The following ARFGEF2 variants were observed in gnomAD, a reference collection of about 807,000 sequenced individuals.
ARFGEF2 encodes brefeldin A-inhibited guanine nucleotide-exchange protein 2.
A neutral mutation model predicts 219.9 loss-of-function variants in ARFGEF2; 74 were observed. The ratio of observed to expected loss-of-function variants is 0.34; its 90% CI spans 0.28 to 0.41. The LOEUF (loss-of-function observed/expected upper bound fraction) is 0.41. Ranked by LOEUF, ARFGEF2 falls within the 10% of genes least tolerant of loss-of-function variation. The pLI, the probability that ARFGEF2 is intolerant of heterozygous loss-of-function variation, is 1.00. For missense variants in ARFGEF2, 1,743 were observed against 2,218.3 expected, an observed-to-expected ratio of 0.79 and a Z score of 4.30; for synonymous variants, 733 against 799.2, an observed-to-expected ratio of 0.92 and a Z score of 1.40.
intron 23 of ARFGEF2, among the ~76,000 whole-genome samples, chr20:48,997,537 T>G (rs2091399540): frequency 6.6e-6 from 1 of 152,208 alleles, no homozygotes; most frequent in Non-Finnish European, 1.5e-5. Context: ...CCTCTCAAAG[T>G]GCTGGGATTG....
chr20:48,922,721 A>AG (rs2090851118), intron 1 of ARFGEF2, among the ~76,000 whole-genome samples: 1 of 152,252 alleles, frequency 6.6e-6, no homozygotes. Flanking sequence ...TTATGGAAAG[A>AG]GGGAGAATTC....
chr20:48,941,737 T>C, intron 2 of ARFGEF2, 127 bp from the exon 3 acceptor site: 1 of 1,428,648 alleles, frequency 7.0e-7, no homozygotes, highest in Non-Finnish European at 9.8e-7. Flanking sequence ...TATTCAACTT[T>C]TAATGCCTAG....
rs2091652190 is a variant in ARFGEF2, at chr20:49,033,956, T to C, written c.*757T>C. On this transcript the variant is annotated 3_prime_UTR_variant, in exon 39 of 39. Transcript: ENST00000371917. The stretch of plus-strand genomic sequence containing the variant: ...AACAATTTAATGAAGATGATTAGCC[T>C]TCCTTGAAATAAGTATTTGTGGATG... The C allele has an allele frequency of 6.6e-6, 1 of 152,234 alleles. No individual in the cohort carries two copies. The highest frequency in any genetic ancestry group is 1.5e-5 in the Non-Finnish European group (1 of 68,038). 9.4% of individuals were successfully genotyped at this position (152,234 alleles called of 1,614,324 possible).
intron 27 of ARFGEF2, 98 bp from the exon 28 acceptor site, chr20:49,011,826 G>GATGT (rs887645589): frequency 3.5e-5 from 45 of 1,270,752 alleles, no homozygotes; most frequent in Non-Finnish European, 4.7e-5. Flanking sequence ...AATTATCTCT[G>GATGT]ATGTATGTGT....
rs2090840734 is a variant in ARFGEF2, at chr20:48,921,768, C to T, written c.-122C>T. On this transcript the variant is annotated 5_prime_UTR_variant, in exon 1 of 39. Coordinates refer to ENST00000371917, the MANE Select transcript of ARFGEF2 (RefSeq NM_006420.3). Reference sequence around the variant, plus strand: ...CGCCGTGGGGCCGAGGTGTCGCTTCCTGACGGGGCGGCGCGGACGGACGCG... The same window carrying T: ...CGCCGTGGGGCCGAGGTGTCGCTTCTTGACGGGGCGGCGCGGACGGACGCG... 3 of 1,076,558 alleles carry T rather than the reference C, an allele frequency of 2.8e-6. No homozygotes were observed. The highest frequency in any genetic ancestry group is 1.7e-5 in the African/African-American group (1 of 59,314). 66.7% of individuals were successfully genotyped at this position (1,076,558 alleles called of 1,614,324 possible).
chr20:48,931,720 C>T lies in ARFGEF2; in HGVS notation c.122-9479C>T, dbSNP rs531776000. Among the ~76,000 whole-genome samples, 17 of 152,042 alleles carry T rather than the reference C, an allele frequency of 1.1e-4. No homozygotes were observed. The East Asian group carries it at 2.7e-3, about 24-fold the overall frequency. On this transcript the variant is annotated intron_variant, in intron 1 of 38. Transcript: ENST00000371917. ...AGCAGGAATAGCTCATGCAAAGGCC[C>T]CGGGGCAGAAATGTGCTTGGTGTGT...
chr20:48,922,735 C>T (rs1396408426), intron 1 of ARFGEF2, among the ~76,000 whole-genome samples: 1 of 152,188 alleles, frequency 6.6e-6, no homozygotes, highest in African/African-American at 2.4e-5. Context: ...AGAATTCTAA[C>T]TAATAGTTAA....
At chr20:48,996,778 G>T (rs2091392396) in intron 23 of ARFGEF2, among the ~76,000 whole-genome samples, 1 of 146,200 alleles carries the variant, frequency 6.8e-6, no homozygotes, top group Admixed American at 6.8e-5. Flanking sequence ...ATGAATGAGA[G>T]TTGGCTGAGT....
chr20:49,027,569 G>A (rs781242278), intron 36 of ARFGEF2, among the ~76,000 whole-genome samples: 16 of 151,886 alleles, frequency 1.1e-4, no homozygotes, highest in African/African-American at 3.4e-4. Flanking sequence ...GGTGGCGTGC[G>A]CTTGTAGTCC....
chr20:48,966,026 A>G lies in ARFGEF2; in HGVS notation c.1059+3A>G. 1 of 1,614,010 alleles carries G rather than the reference A, an allele frequency of 6.2e-7. No homozygotes were observed. Among genetic ancestry groups the G allele is most frequent in the South Asian group, 1.1e-5 (1 of 91,082 alleles). On this transcript the variant is annotated splice_donor_region_variant and intron_variant, in intron 8 of 38. Transcript: ENST00000371917. Reference sequence around the variant, plus strand: ...CCTTGTCGTCAGCAGATAATCTGGTATGTTGGTGATCATCCTCTGTGGACT... The same window carrying G: ...CCTTGTCGTCAGCAGATAATCTGGTGTGTTGGTGATCATCCTCTGTGGACT...
chr20:48,981,785 C>A (rs1344785890), intron 14 of ARFGEF2, among the ~76,000 whole-genome samples: 1 of 152,210 alleles, frequency 6.6e-6, no homozygotes, highest in Non-Finnish European at 1.5e-5. Context: ...GCTATTGAAG[C>A]TTGTGCATGC....
chr20:48,991,025 G>C lies in ARFGEF2; in HGVS notation c.2815-15G>C. On this transcript the variant is annotated splice_polypyrimidine_tract_variant and intron_variant, in intron 20 of 38. Coordinates refer to ENST00000371917, the MANE Select transcript of ARFGEF2 (RefSeq NM_006420.3). ...GGTTGGAGTCACAGTGTTCTCTCTT[G>C]GGTTTCTGTTACAGCTGGAACGAGA... The C allele has an allele frequency of 6.2e-7, 1 of 1,612,698 alleles. No homozygotes were observed. The highest frequency in any genetic ancestry group is 1.1e-5 in the South Asian group (1 of 90,912).
At chr20:48,990,931 A>G (rs1016145849) in intron 20 of ARFGEF2, 109 bp from the exon 21 acceptor site, 22 of 1,210,818 alleles carry the variant, frequency 1.8e-5, no homozygotes, top group African/African-American at 9.1e-5. Context: ...AAGCCAGTCA[A>G]TGTGCATACA....
intron 6 of ARFGEF2, among the ~76,000 whole-genome samples, chr20:48,961,862 A>C (rs566151550): frequency 1.8e-5 from 2 of 110,638 alleles, no homozygotes; most frequent in Non-Finnish European, 4.2e-5. Context: ...AGACTCTCTC[A>C]AAAAAAAAAA....
intron 6 of ARFGEF2, among the ~76,000 whole-genome samples, chr20:48,954,350 T>C (rs1249311913): frequency 6.6e-6 from 1 of 152,240 alleles, no homozygotes; most frequent in Non-Finnish European, 1.5e-5. Context: ...ATTATATTCT[T>C]AAAGTAAATG....
rs1340803523 is a variant in ARFGEF2 at position 49,036,398 on chromosome 20, C to T, written c.*3199C>T. 7.6e-6 allele frequency: 3 copies of T among 395,818 alleles called. No individual in the cohort carries two copies. Among genetic ancestry groups the T allele is most frequent in the Admixed American group, 4.4e-5 (1 of 22,668 alleles). The allele number at this position is 395,818 out of a possible 1,614,324, so 24.5% of individuals were successfully genotyped here. A position where few individuals can be genotyped will look rare whatever the true frequency, so the allele number is the denominator to read the frequency against. On this transcript the variant is annotated 3_prime_UTR_variant, in exon 39 of 39. Transcript: ENST00000371917. Reference sequence around the variant, plus strand: ...TCTAATTTTTAAAAAATTTTATCTGCATATTTGCATCAAATATTTATGTGT... The same window carrying T: ...TCTAATTTTTAAAAAATTTTATCTGTATATTTGCATCAAATATTTATGTGT...
chr20:48,923,289 A>G (rs1257954832), intron 1 of ARFGEF2, among the ~76,000 whole-genome samples: 1 of 152,216 alleles, frequency 6.6e-6, no homozygotes, highest in Admixed American at 6.5e-5. Flanking sequence ...TTTTAGTCAC[A>G]TAGTTTGAGA....
At chr20:48,938,002 C>T (rs2090969846) in intron 1 of ARFGEF2, among the ~76,000 whole-genome samples, 1 of 152,210 alleles carries the variant, frequency 6.6e-6, no homozygotes. Flanking sequence ...AACTCTTCTG[C>T]ATTTATGGTT....
intron 11 of ARFGEF2, 127 bp downstream of exon 11, chr20:48,972,552 C>T (rs1298190211): frequency 5.0e-5 from 39 of 783,776 alleles, no homozygotes. Flanking sequence ...TAATTCTAAC[C>T]TAGTCCTGCC....
Sources: gnomAD v4.1 joint callset for allele counts (sites outside exome capture counted in the v4.1 genomes callset) on GRCh38, gnomAD v4.1.1 for gene constraint, MANE v1.5 for transcripts, NCBI Gene and HGNC (gene_info 2026-07-23, HGNC 2026-07-21) for gene names.